FUT8: variants seen among roughly 807,000 people sequenced by gnomAD.
FUT8 encodes the protein fucosyltransferase 8.
In FUT8, 29 loss-of-function variants were observed where a neutral mutation model predicts 71.3. That is an observed-to-expected ratio of 0.41 (90% CI 0.30 to 0.55). The LOEUF (loss-of-function observed/expected upper bound fraction) is 0.55. Ranked by LOEUF, FUT8 falls within the 20% of genes least tolerant of loss-of-function variation. FUT8 has a pLI of 0.34. For synonymous variants in FUT8, 254 were observed against 239.3 expected (o/e 1.06, Z -0.57); for missense variants, 544 against 702.1 (o/e 0.77, Z 2.55).
intron 2 of FUT8, among the ~76,000 whole-genome samples, chr14:65,471,381 TA>T (rs1397389754): frequency 6.6e-6 from 1 of 151,994 alleles, no homozygotes; most frequent in East Asian, 1.9e-4. Context: ...TTAAGAGAAA[TA>T]AAGTTCCTGG....
intron 6 of FUT8, among the ~76,000 whole-genome samples, chr14:65,661,858 T>C (rs1891983303): frequency 6.6e-6 from 1 of 152,198 alleles, no homozygotes; most frequent in Non-Finnish European, 1.5e-5. Flanking sequence ...GAAATATGTC[T>C]AACAGTGACT....
intron 3 of FUT8, among the ~76,000 whole-genome samples, chr14:65,586,659 G>C (rs1011971079): frequency 3.3e-5 from 5 of 152,158 alleles, no homozygotes; most frequent in African/African-American, 1.2e-4. Context: ...CATTAGTCCA[G>C]TATATTAATG....
intron 6 of FUT8, among the ~76,000 whole-genome samples, chr14:65,658,533 T>C (rs903374437): frequency 4.6e-5 from 7 of 152,150 alleles, no homozygotes; most frequent in African/African-American, 1.7e-4. Flanking sequence ...CCAAATGTCC[T>C]TCAGTGGGTA....
At chr14:65,374,761 A>T in the FUT8 span, among the ~76,000 whole-genome samples, 4 of 148,168 alleles carry the variant, frequency 2.7e-5, no homozygotes, top group African/African-American at 1.0e-4. Context: ...CGCCTGGCTA[A>T]TTTTTTTTTT....
the FUT8 span, among the ~76,000 whole-genome samples, chr14:65,387,329 C>T: frequency 1.3e-5 from 2 of 152,260 alleles, no homozygotes; most frequent in Admixed American, 6.5e-5. Flanking sequence ...CTCCACATAT[C>T]GCCAAGTTTT....
At chr14:65,641,497 A>G (rs12588029) in intron 6 of FUT8, among the ~76,000 whole-genome samples, 9,493 of 152,220 alleles carry the variant, frequency 0.062, 543 homozygotes, top group African/African-American at 0.15. Context: ...TTCTGTGGGC[A>G]TATACTTCCA....
chr14:65,424,295 G>C (rs1302435271), intron 1 of FUT8, among the ~76,000 whole-genome samples: 1 of 152,124 alleles, frequency 6.6e-6, no homozygotes, highest in Non-Finnish European at 1.5e-5. Flanking sequence ...AGTACAGGGT[G>C]TAGTACAGTT....
rs1322784396 is a variant in FUT8 at position 65,439,961 on chromosome 14, T to C, written c.-325-15660T>C. Reference sequence around the variant, plus strand: ...AAATGTGTGTGTGTGTGTGTATATATATATATATATATATATATATATATA... The same window carrying C: ...AAATGTGTGTGTGTGTGTGTATATACATATATATATATATATATATATATA... On this transcript the variant is annotated intron_variant, in intron 1 of 10. Transcript: ENST00000673929. Among the ~76,000 whole-genome samples, 129 of 107,552 alleles carry C rather than the reference T, an allele frequency of 1.2e-3. 7 individuals carry two copies. Among genetic ancestry groups the C allele is most frequent in the Middle Eastern group, 4.6e-3 (1 of 218 alleles). 70.6% of individuals were successfully genotyped at this position (107,552 alleles called of 152,430 possible). A position where few individuals can be genotyped will look rare whatever the true frequency, so the allele number is the denominator to read the frequency against.
At chr14:65,663,150 A>G (rs373020114) in intron 6 of FUT8, among the ~76,000 whole-genome samples, 5 of 152,118 alleles carry the variant, frequency 3.3e-5, no homozygotes, top group Admixed American at 3.3e-4. Flanking sequence ...ACTGGATAGT[A>G]TAAAACTAGG....
intron 2 of FUT8, among the ~76,000 whole-genome samples, chr14:65,546,842 G>A (rs1320003095): frequency 6.6e-6 from 1 of 151,642 alleles, no homozygotes; most frequent in Admixed American, 6.6e-5. Flanking sequence ...AAAGCAATAT[G>A]GGCCTAGAGT....
At chr14:65,588,340 T>G (rs947551942) in intron 3 of FUT8, among the ~76,000 whole-genome samples, 23 of 152,188 alleles carry the variant, frequency 1.5e-4, no homozygotes, top group Non-Finnish European at 3.2e-4. Flanking sequence ...TTCCTTGACA[T>G]GGTTCACTAT....
At chr14:65,668,046 T>G (rs1892302254) in intron 6 of FUT8, among the ~76,000 whole-genome samples, 1 of 152,174 alleles carries the variant, frequency 6.6e-6, no homozygotes, top group African/African-American at 2.4e-5. Flanking sequence ...CTGGACCCCT[T>G]CCTTTCACTA....
chr14:65,436,445 A>G (rs928335200), intron 1 of FUT8, among the ~76,000 whole-genome samples: 4 of 152,004 alleles, frequency 2.6e-5, no homozygotes, highest in East Asian at 1.9e-4. Flanking sequence ...CCTGGCTAAC[A>G]TGGTGAAACC....
chr14:65,691,646 C>A (rs1893601875), intron 7 of FUT8, among the ~76,000 whole-genome samples: 1 of 151,808 alleles, frequency 6.6e-6, no homozygotes, highest in Non-Finnish European at 1.5e-5. Context: ...GTGTTTCTCG[C>A]AGAGGGGGAT....
chr14:65,420,230 A>C (rs919186429), intron 1 of FUT8, among the ~76,000 whole-genome samples: 11 of 152,040 alleles, frequency 7.2e-5, no homozygotes, highest in African/African-American at 2.7e-4. Flanking sequence ...ATTTTGGAGA[A>C]ATTTTTGTCA....
At chr14:65,451,607 G>A (rs144430556) in intron 1 of FUT8, among the ~76,000 whole-genome samples, 186 of 152,254 alleles carry the variant, frequency 1.2e-3, no homozygotes, top group African/African-American at 3.9e-3. Flanking sequence ...CTTGTCTGGC[G>A]CCCAGGAAAA....
chr14:65,724,378 G>T, intron 9 of FUT8, 55 bp downstream of exon 9: 1 of 1,093,470 alleles, frequency 9.1e-7, no homozygotes, highest in Non-Finnish European at 1.3e-6. Flanking sequence ...CAGTTTAAAA[G>T]AATTCTTACT....
intron 10 of FUT8, among the ~76,000 whole-genome samples, chr14:65,735,598 A>C (rs1896180621): frequency 6.6e-6 from 1 of 151,622 alleles, no homozygotes; most frequent in Admixed American, 6.6e-5. Flanking sequence ...ATAGACTTGA[A>C]TACCTCAAAA....
At chr14:65,624,742 T>C (rs987077131) in intron 5 of FUT8, among the ~76,000 whole-genome samples, 5 of 152,258 alleles carry the variant, frequency 3.3e-5, no homozygotes, top group Non-Finnish European at 7.3e-5. Context: ...AAACTGGTTA[T>C]TCCATTGTAT....
Sources: allele counts gnomAD v4.1 joint callset (sites outside exome capture counted in the v4.1 genomes callset), GRCh38; gene constraint gnomAD v4.1.1; transcripts MANE v1.5; gene names NCBI Gene and HGNC (gene_info 2026-07-23, HGNC 2026-07-21).